The following ERN1 variants were observed in gnomAD, a reference collection of about 807,000 sequenced individuals.
The protein encoded by ERN1 is endoplasmic reticulum to nucleus signaling 1, also known as serine/threonine-protein kinase/endoribonuclease IRE1.
In ERN1, 39 loss-of-function variants were observed where a neutral mutation model predicts 113.1. The observed-to-expected ratio is 0.34, with a 90% CI of 0.27 to 0.45. The LOEUF is 0.45. Among genes scored for constraint, ERN1 ranks in the 20% least tolerant of loss-of-function variants. The probability of loss-of-function intolerance (pLI) is 1.00; values close to 1 mark genes in which losing one functional copy is unlikely to be tolerated. For synonymous variants in ERN1, 507 were observed against 515.9 expected (o/e 0.98, Z 0.23); for missense variants, 976 against 1,274.8 (o/e 0.77, Z 3.57).
rs989288679 is a variant in ERN1 at position 64,089,301 on chromosome 17, A to G, written c.176-8493T>C. The stretch of plus-strand genomic sequence containing the variant: ...GCCACTGCACCCCAGCCTGGGCAAA[A>G]GAGTGAGAATCCATCTCAAAAAAAA... On this transcript the variant is annotated intron_variant, in intron 2 of 21. Transcript: ENST00000433197. Among the ~76,000 whole-genome samples, 3 of 143,218 alleles carry G rather than the reference A, an allele frequency of 2.1e-5. No individual in the cohort carries two copies. The South Asian group carries it at 7.0e-4, about 34-fold the overall frequency. The allele number at this position is 143,218 out of a possible 152,430, so 94.0% of individuals were successfully genotyped here. A position where few individuals can be genotyped will look rare whatever the true frequency, so the allele number is the denominator to read the frequency against.
rs917379029 is a variant in ERN1 at position 64,063,592 on chromosome 17, G to A, written c.1087+394C>T. Among the ~76,000 whole-genome samples the A allele has an allele frequency of 1.3e-5, 2 of 151,988 alleles. No individual in the cohort carries two copies. Among genetic ancestry groups the A allele is most frequent in the Non-Finnish European group, 2.9e-5 (2 of 67,998 alleles). ...TCCAACCCCTCACCCTCATGCCCACGTGGACTCCAAGTTAATTCTTCCATA... is the reference window on the plus strand; with the variant it reads ...TCCAACCCCTCACCCTCATGCCCACATGGACTCCAAGTTAATTCTTCCATA... On this transcript the variant is annotated intron_variant, in intron 10 of 21. Coordinates refer to ENST00000433197, the MANE Select transcript of ERN1 (RefSeq NM_001433.5). This position sits in a 1 kb window ranked among gnomAD's most constrained non-coding sequence, Gnocchi z 5.1.
intron 1 of ERN1, among the ~76,000 whole-genome samples, chr17:64,112,644 G>A (rs1358280096): frequency 6.6e-6 from 1 of 152,156 alleles, no homozygotes; most frequent in Non-Finnish European, 1.5e-5. Context: ...ATAAAATGGG[G>A]ATAATGCTAA....
At position 64,080,755 on chromosome 17, in the gene ERN1, G is replaced by C; in HGVS notation, c.209+20C>G. 4.4e-6 allele frequency: 7 copies of C among 1,606,918 alleles called. No individual in the cohort carries two copies. Among genetic ancestry groups the C allele is most frequent in the Non-Finnish European group, 6.0e-6 (7 of 1,176,088 alleles). ...GAAGACTGAATTAAAGGGAAGTACT[G>C]AGCGAATCAGAAAACTTACTCTTCC... On this transcript the variant is annotated intron_variant, in intron 3 of 21. Coordinates refer to ENST00000433197, the MANE Select transcript of ERN1 (RefSeq NM_001433.5).
chr17:64,106,561 A>G (rs1219684649), intron 1 of ERN1, among the ~76,000 whole-genome samples: 2 of 152,190 alleles, frequency 1.3e-5, no homozygotes, highest in East Asian at 3.8e-4. Context: ...TGGATAAGAA[A>G]GTAGGGGTTA....
At chr17:64,079,551 G>T in intron 4 of ERN1, 111 bp downstream of exon 4, 1 of 765,410 alleles carries the variant, frequency 1.3e-6, no homozygotes, top group African/African-American at 1.7e-5. Flanking sequence ...AATCCCCAGG[G>T]GTTGTTTTTA....
Position 64,044,249 on chromosome 17 carries a change from C to G in ERN1, c.2722-49G>C, listed in dbSNP as rs377470911. On this transcript the variant is annotated intron_variant, in intron 21 of 21. Transcript: ENST00000433197. This position sits in a 1 kb window ranked among gnomAD's most constrained non-coding sequence, Gnocchi z 4.1. ...GAGATTAGAAAGGGGTTAGAAAGCT[C>G]GGGAAATGTTGGCAAAACACCCTTT... The G allele has an allele frequency of 2.3e-6, 3 of 1,332,906 alleles. No homozygotes were observed. The highest frequency in any genetic ancestry group is 1.5e-5 in the African/African-American group (1 of 67,338). 82.6% of individuals were successfully genotyped at this position (1,332,906 alleles called of 1,614,324 possible). A position where few individuals can be genotyped will look rare whatever the true frequency, so the allele number is the denominator to read the frequency against.
chr17:64,108,892 G>A (rs1422409375), intron 1 of ERN1, among the ~76,000 whole-genome samples: 1 of 152,160 alleles, frequency 6.6e-6, no homozygotes, highest in Non-Finnish European at 1.5e-5. Context: ...GGAGGCCAAC[G>A]CAGGTGGATC....
rs1567858832 is a variant in ERN1, at chr17:64,044,079, A to G, written c.2843T>C (p.Met948Thr). The G allele has an allele frequency of 6.2e-7, 1 of 1,613,566 alleles. No individual in the cohort carries two copies. The change falls in exon 22 of 22, where the codon ATG (methionine) becomes ACG (threonine). Residue 948 changes from methionine (M) to threonine (T), a missense_variant. Met to Thr is a moderately conservative substitution (Grantham distance 81). Coordinates refer to ENST00000433197, the MANE Select transcript of ERN1 (RefSeq NM_001433.5). This position sits in a 1 kb window ranked among gnomAD's most constrained non-coding sequence, Gnocchi z 4.1. ...PHLLAHTYRAMELCSHERLFQ... is the reference protein window; with the variant it reads ...PHLLAHTYRATELCSHERLFQ... ...GAGTCTCTCGTGGCTGCACAGCTCC[A>G]TGGCCCGGTAGGTGTGTGCGAGGAG...
rs2143339832 is a variant in ERN1, at chr17:64,054,930, G to T, written c.1673-102C>A. 1 of 897,626 alleles carries T rather than the reference G, an allele frequency of 1.1e-6. No homozygotes were observed. The highest frequency in any genetic ancestry group is 1.6e-5 in the South Asian group (1 of 61,288). 55.6% of individuals were successfully genotyped at this position (897,626 alleles called of 1,614,324 possible). A position where few individuals can be genotyped will look rare whatever the true frequency, so the allele number is the denominator to read the frequency against. On this transcript the variant is annotated intron_variant, in intron 13 of 21. Coordinates refer to ENST00000433197, the MANE Select transcript of ERN1 (RefSeq NM_001433.5). The surrounding 1 kb of genome is among the most constrained non-coding windows in gnomAD (Gnocchi z 4.9). ...CTTCCTGACCTCAGATTAAAAGATG[G>T]GATTTAAGAGGCACTGCACCCCAGA...
chr17:64,106,317 T>C (rs946052350), intron 1 of ERN1, among the ~76,000 whole-genome samples: 3 of 152,256 alleles, frequency 2.0e-5, no homozygotes, highest in African/African-American at 7.2e-5. Context: ...TTAGGACATA[T>C]GAAATCTTGA....
chr17:64,121,938 C>CTGATTTCAACAACAAAA (rs1317524552), intron 1 of ERN1, among the ~76,000 whole-genome samples: 2 of 152,148 alleles, frequency 1.3e-5, no homozygotes, highest in Admixed American at 6.5e-5. Flanking sequence ...GGGTAGAAGG[C>CTGATTTCAACAACAAAA]CATGATTCTT....
At chr17:64,079,022 G>C (rs569553328) in intron 4 of ERN1, among the ~76,000 whole-genome samples, 1 of 152,216 alleles carries the variant, frequency 6.6e-6, no homozygotes, top group African/African-American at 2.4e-5. Flanking sequence ...AAAGAGAAAA[G>C]ACAAGACAGG....
At chr17:64,114,510 T>C (rs1914754886) in intron 1 of ERN1, among the ~76,000 whole-genome samples, 1 of 152,184 alleles carries the variant, frequency 6.6e-6, no homozygotes, top group Non-Finnish European at 1.5e-5. Flanking sequence ...AGAGAATTTG[T>C]TGTGTTTGAG....
At chr17:64,102,976 G>A in intron 1 of ERN1, 1 of 985,188 alleles carries the variant, frequency 1.0e-6, no homozygotes, top group Non-Finnish European at 1.2e-6. Context: ...ACTGTGGAGG[G>A]TGGGAAGGGT....
intron 1 of ERN1, among the ~76,000 whole-genome samples, chr17:64,099,944 C>G (rs1180079149): frequency 6.6e-6 from 1 of 152,196 alleles, no homozygotes; most frequent in Non-Finnish European, 1.5e-5. Context: ...ACCGAGTCTA[C>G]TCTGTGCAAA....
intron 6 of ERN1, among the ~76,000 whole-genome samples, chr17:64,071,296 GA>G (rs1363444760): frequency 6.6e-6 from 1 of 152,216 alleles, no homozygotes; most frequent in African/African-American, 2.4e-5. Flanking sequence ...AGTTGTGAGA[GA>G]GGATATTTGC....
chr17:64,066,691 T>G lies in ERN1; in HGVS notation c.822A>C (p.Thr274=), dbSNP rs1430509508. 9.3e-6 allele frequency: 15 copies of G among 1,613,852 alleles called. No individual in the cohort carries two copies. Among genetic ancestry groups the G allele is most frequent in the Non-Finnish European group, 1.2e-5 (14 of 1,179,892 alleles). The change falls in exon 8 of 22, where the codon ACA becomes ACC. Residue 274 remains threonine (T), a synonymous_variant. Transcript: ENST00000433197. ...CTCACGTCAGCTTGCTCTTGGCCTC[T>G]GTCTCCTTGGGGAACGGGTACTTCC... The part of the protein sequence containing the change: ...TKWKYPFPKE[T]EAKSKLTPTL...
chr17:64,126,059 T>C (rs138559774), intron 1 of ERN1, among the ~76,000 whole-genome samples: 9 of 152,052 alleles, frequency 5.9e-5, no homozygotes, highest in South Asian at 2.1e-4. Flanking sequence ...AAACATGGGA[T>C]ATAGGTAAAG....
At chr17:64,079,601 C>T (rs895645381) in intron 4 of ERN1, 61 bp downstream of exon 4, 1 of 1,344,888 alleles carries the variant, frequency 7.4e-7, no homozygotes, top group Non-Finnish European at 1.1e-6. Context: ...ACTGTGCAGA[C>T]ACACTTAAGG....
Sources: gnomAD v4.1 joint callset for allele counts (sites outside exome capture counted in the v4.1 genomes callset) on GRCh38, gnomAD v4.1.1 for gene constraint, Gnocchi (gnomAD v3.1) non-coding constraint, MANE v1.5 for transcripts, NCBI Gene and HGNC (gene_info 2026-07-23, HGNC 2026-07-21) for gene names.